The following MAST4 variants were observed in gnomAD, a reference collection of about 807,000 sequenced individuals.
The protein encoded by MAST4 is microtubule-associated serine/threonine-protein kinase 4.
Under a neutral mutation model 162.7 loss-of-function variants are expected in MAST4, and 89 were observed. That is an observed-to-expected ratio of 0.55 (90% CI 0.46 to 0.65). The LOEUF (loss-of-function observed/expected upper bound fraction) is 0.65. Ranked by LOEUF, MAST4 falls within the 30% of genes least tolerant of loss-of-function variation. The probability of loss-of-function intolerance (pLI) is 0.00; values close to 1 mark genes in which losing one functional copy is unlikely to be tolerated. For synonymous variants in MAST4, 1,479 were observed against 1,361.1 expected (o/e 1.09, Z -1.91); for missense variants, 3,153 against 3,374.0 (o/e 0.93, Z 1.62).
chr5:66,980,993 T>C (rs1015197890), intron 4 of MAST4, among the ~76,000 whole-genome samples: 1 of 152,034 alleles, frequency 6.6e-6, no homozygotes, highest in Non-Finnish European at 1.5e-5. Flanking sequence ...TTTTTTCTCA[T>C]GAAAGAATAA....
intron 7 of MAST4, among the ~76,000 whole-genome samples, chr5:67,097,707 T>C (rs1764614771): frequency 2.0e-5 from 3 of 152,148 alleles, no homozygotes; most frequent in Admixed American, 1.3e-4. Context: ...TAGTATCATA[T>C]AATTATTAGG....
In MAST4 at chr5:67,053,173, G is replaced by A. The variant is rs140370788; in HGVS notation, c.675-1231G>A. Among the ~76,000 whole-genome samples, 489 of 152,256 alleles carry A rather than the reference G, an allele frequency of 3.2e-3. 3 individuals carry two copies. The highest frequency in any genetic ancestry group is 0.011 in the African/African-American group (455 of 41,540). ...TAAGGAAAATAAAGTGATGCAGCCTGACCTTAAGAAATTATAAATATGGGA... is the reference window on the plus strand; with the variant it reads ...TAAGGAAAATAAAGTGATGCAGCCTAACCTTAAGAAATTATAAATATGGGA... On this transcript the variant is annotated intron_variant, in intron 4 of 28. Coordinates refer to ENST00000403625, the MANE Select transcript of MAST4 (RefSeq NM_001164664.2).
At chr5:66,607,423 T>A (rs1461188191) in intron 1 of MAST4, among the ~76,000 whole-genome samples, 3 of 152,222 alleles carry the variant, frequency 2.0e-5, no homozygotes, top group Non-Finnish European at 4.4e-5. Context: ...ATTTTCCTGT[T>A]GGCTTTGGGG....
intron 4 of MAST4, among the ~76,000 whole-genome samples, chr5:67,029,996 A>G (rs1040372717): frequency 5.3e-5 from 8 of 152,114 alleles, no homozygotes; most frequent in Non-Finnish European, 4.4e-5. Context: ...AATTTTGTTT[A>G]ATGAAATTTT....
At chr5:66,885,515 A>G (rs1386021031) in intron 3 of MAST4, among the ~76,000 whole-genome samples, 1 of 152,256 alleles carries the variant, frequency 6.6e-6, no homozygotes, top group Non-Finnish European at 1.5e-5. Context: ...CTAAGAACAT[A>G]TGCCAATATG....
At chr5:67,135,379 T>C (rs1769480436) in intron 18 of MAST4, among the ~76,000 whole-genome samples, 1 of 152,200 alleles carries the variant, frequency 6.6e-6, no homozygotes, top group South Asian at 2.1e-4. Flanking sequence ...GCCGATTTTA[T>C]AAATTTCCCT....
At chr5:66,867,810 G>A (rs138125471) in intron 3 of MAST4, among the ~76,000 whole-genome samples, 1 of 152,230 alleles carries the variant, frequency 6.6e-6, no homozygotes, top group Non-Finnish European at 1.5e-5. Flanking sequence ...TTAGAGCCCT[G>A]TGGGGCTTGC....
In MAST4 at chr5:67,166,956, C is replaced by A; in HGVS notation, c.7777C>A (p.Arg2593Ser). The stretch of plus-strand genomic sequence containing the variant: ...GCCATCCCCAGCCCCAAACACTGAC[C>A]GCCCCATCTCTCTTTCTAATGAGAA... ...TKPSPAPNTD[R>S]PISLSNEKDF... The change falls in exon 29 of 29, where the codon CGC becomes AGC. Residue 2593 changes from arginine to serine, a missense_variant. Coordinates refer to ENST00000403625, the MANE Select transcript of MAST4 (RefSeq NM_001164664.2). 1.9e-6 allele frequency: 3 copies of A among 1,612,488 alleles called. No homozygotes were observed. Among genetic ancestry groups the A allele is most frequent in the Non-Finnish European group, 2.5e-6 (3 of 1,179,660 alleles).
At chr5:66,699,790 C>T (rs1458942043) in intron 1 of MAST4, among the ~76,000 whole-genome samples, 1 of 151,994 alleles carries the variant, frequency 6.6e-6, no homozygotes. Context: ...GGGAGAACAT[C>T]AGGATAAATA....
At chr5:67,114,374 C>T in intron 12 of MAST4, 155 bp downstream of exon 12, 2 of 881,840 alleles carry the variant, frequency 2.3e-6, no homozygotes, top group Non-Finnish European at 3.3e-6. Flanking sequence ...AAGGAAATAG[C>T]CATAAAATGG....
chr5:66,870,610 G>A (rs960207116), intron 3 of MAST4, among the ~76,000 whole-genome samples: 3 of 152,176 alleles, frequency 2.0e-5, no homozygotes, highest in Non-Finnish European at 4.4e-5. Context: ...ATGTGCTTTT[G>A]TGGGGGAGAA....
At chr5:66,898,517 A>G (rs979561153) in intron 3 of MAST4, among the ~76,000 whole-genome samples, 12 of 152,170 alleles carry the variant, frequency 7.9e-5, no homozygotes, top group African/African-American at 2.9e-4. Flanking sequence ...TTAGTAAATG[A>G]AGGTATATTT....
At chr5:67,134,387 C>T (rs1190308783) in intron 17 of MAST4, 136 bp from the exon 18 acceptor site, 1 of 579,202 alleles carries the variant, frequency 1.7e-6, no homozygotes, top group Non-Finnish European at 2.9e-6. Flanking sequence ...AATTGGTGCT[C>T]TTAAGTTCTT....
At chr5:66,774,256 C>T (rs746921359) in intron 2 of MAST4, among the ~76,000 whole-genome samples, 1 of 152,040 alleles carries the variant, frequency 6.6e-6, no homozygotes, top group Non-Finnish European at 1.5e-5. Flanking sequence ...CTGGGTAAAC[C>T]CACTGTTTCT....
At chr5:67,014,002 A>C (rs1035279609) in intron 4 of MAST4, among the ~76,000 whole-genome samples, 1 of 152,204 alleles carries the variant, frequency 6.6e-6, no homozygotes, top group Non-Finnish European at 1.5e-5. Context: ...TCACTTGGCT[A>C]ATCTCAAGAC....
Position 67,102,516 on chromosome 5 carries a change from G to A in MAST4, c.1071-20G>A. ...TTCATGCTGTGGCAAGTTTAAAAGG[G>A]TAATTTGCTTTGCTTGCAGCCCTGG... On this transcript the variant is annotated intron_variant, in intron 8 of 28. Transcript: ENST00000403625. 4.3e-6 allele frequency: 7 copies of A among 1,611,022 alleles called. No homozygotes were observed. Among genetic ancestry groups the A allele is most frequent in the Admixed American group, 1.7e-5 (1 of 60,022 alleles).
At chr5:66,647,707 C>T (rs1023108322) in intron 1 of MAST4, among the ~76,000 whole-genome samples, 1 of 152,036 alleles carries the variant, frequency 6.6e-6, no homozygotes, top group Non-Finnish European at 1.5e-5. Context: ...CAGAACATAG[C>T]ACAGGAAGTA....
chr5:67,027,983 C>G (rs540899263), intron 4 of MAST4, among the ~76,000 whole-genome samples: 2 of 152,286 alleles, frequency 1.3e-5, no homozygotes, highest in African/African-American at 4.8e-5. Context: ...GTGAAGGAGA[C>G]AGATGAGTCT....
At chr5:66,980,931 C>G (rs1748730607) in intron 4 of MAST4, among the ~76,000 whole-genome samples, 1 of 152,128 alleles carries the variant, frequency 6.6e-6, no homozygotes, top group South Asian at 2.1e-4. Context: ...ACAAGTCACC[C>G]CCTCTTACCC....
Sources: allele counts gnomAD v4.1 joint callset (sites outside exome capture counted in the v4.1 genomes callset), GRCh38; gene constraint gnomAD v4.1.1; transcripts MANE v1.5; gene names NCBI Gene and HGNC (gene_info 2026-07-23, HGNC 2026-07-21).